The following STRIP2 variants were observed in gnomAD, a reference collection of about 807,000 sequenced individuals.
STRIP2 encodes the protein striatin interacting protein 2, also known as striatin-interacting protein 2.
A neutral mutation model predicts 107.1 loss-of-function variants in STRIP2; 84 were observed. The observed-to-expected ratio is 0.78, with a 90% CI of 0.66 to 0.94. The LOEUF is 0.94. STRIP2 is among the 40% of genes least tolerant of loss of function. The pLI is 0.00. For missense variants in STRIP2, 888 were observed against 1,034.2 expected, an observed-to-expected ratio of 0.86 and a Z score of 1.94; for synonymous variants, 394 against 400.4, an observed-to-expected ratio of 0.98 and a Z score of 0.19.
intron 1 of STRIP2, among the ~76,000 whole-genome samples, chr7:129,438,754 G>T (rs1463552301): frequency 6.6e-6 from 1 of 152,170 alleles, no homozygotes; most frequent in Non-Finnish European, 1.5e-5. Flanking sequence ...AAATTAAGCG[G>T]TTATCATGAT....
chr7:129,466,737 T>C (rs1037504149), intron 16 of STRIP2, among the ~76,000 whole-genome samples: 1 of 152,214 alleles, frequency 6.6e-6, no homozygotes, highest in African/African-American at 2.4e-5. Context: ...CAGTGCAGTA[T>C]CTGTTGGCTG....
chr7:129,440,168 G>A, intron 2 of STRIP2, 77 bp downstream of exon 2: 2 of 1,290,632 alleles, frequency 1.5e-6, no homozygotes, highest in Non-Finnish European at 2.3e-6. Context: ...CTCCCTGGAA[G>A]CTTGTCTGTT....
intron 18 of STRIP2, among the ~76,000 whole-genome samples, chr7:129,472,297 C>A (rs1798806237): frequency 6.6e-6 from 1 of 152,040 alleles, no homozygotes; most frequent in Admixed American, 6.6e-5. Context: ...CAGTTCCAAC[C>A]CCATTGGTTC....
intron 18 of STRIP2, among the ~76,000 whole-genome samples, chr7:129,476,421 G>A (rs1421005301): frequency 7.1e-6 from 1 of 141,340 alleles, no homozygotes; most frequent in Non-Finnish European, 1.6e-5. Flanking sequence ...CTTCTCAGAC[G>A]GGGCGGCTGC....
chr7:129,451,624 G>T lies in STRIP2; in HGVS notation c.286G>T (p.Glu96Ter). ...EDFKTQVQGK[E>*]WLELEEDAQK... is the part of the protein sequence containing the mutation. Reference sequence around the variant, plus strand: ...CCTTTTATTCCCAGTGCAGGGCAAGGAATGGCTGGAGTTGGAAGAAGATGC... The same window carrying T: ...CCTTTTATTCCCAGTGCAGGGCAAGTAATGGCTGGAGTTGGAAGAAGATGC... Residue 96 changes from glutamate (E) to a stop codon, truncating the protein, a stop_gained, in exon 4 of 21, where the codon GAA becomes TAA. Coordinates refer to ENST00000249344, the MANE Select transcript of STRIP2 (RefSeq NM_020704.3). LOFTEE classifies it high-confidence loss of function. 1 of 1,614,180 alleles carries T rather than the reference G, an allele frequency of 6.2e-7. No individual in the cohort carries two copies. Among genetic ancestry groups the T allele is most frequent in the Non-Finnish European group, 8.5e-7 (1 of 1,180,034 alleles).
chr7:129,445,821 G>A (rs972098510), intron 3 of STRIP2, among the ~76,000 whole-genome samples: 9 of 151,840 alleles, frequency 5.9e-5, no homozygotes, highest in Non-Finnish European at 3.0e-5. Flanking sequence ...ATACCATGAC[G>A]GTGGATGAGG....
chr7:129,473,481 A>C (rs1798841596), intron 18 of STRIP2, among the ~76,000 whole-genome samples: 1 of 151,604 alleles, frequency 6.6e-6, no homozygotes, highest in East Asian at 2.0e-4. Flanking sequence ...TGATCCTCCC[A>C]CCTTCCCAAG....
At chr7:129,484,874 T>C (rs1198599219) in intron 20 of STRIP2, among the ~76,000 whole-genome samples, 1 of 152,232 alleles carries the variant, frequency 6.6e-6, no homozygotes, top group Non-Finnish European at 1.5e-5. Flanking sequence ...CCCTTGCATG[T>C]AGAACATGAG....
intron 3 of STRIP2, 32 bp from the exon 4 acceptor site, chr7:129,451,581 G>A (rs1204513842): frequency 6.2e-7 from 1 of 1,612,202 alleles, no homozygotes; most frequent in Admixed American, 1.7e-5. Context: ...GGCAATAGCT[G>A]ACACTGGATG....
At chr7:129,441,817 T>G (rs2150987367) in intron 2 of STRIP2, among the ~76,000 whole-genome samples, 1 of 152,212 alleles carries the variant, frequency 6.6e-6, no homozygotes, top group African/African-American at 2.4e-5. Flanking sequence ...AGTCTCACCA[T>G]GTTGCCAAGG....
chr7:129,447,880 A>G (rs1192021151), intron 3 of STRIP2, among the ~76,000 whole-genome samples: 2 of 152,228 alleles, frequency 1.3e-5, no homozygotes, highest in Non-Finnish European at 2.9e-5. Flanking sequence ...TGCACAGGTC[A>G]AATGCGAGAG....
chr7:129,437,719 C>T (rs1797780992), intron 1 of STRIP2, among the ~76,000 whole-genome samples: 2 of 152,144 alleles, frequency 1.3e-5, no homozygotes, highest in South Asian at 4.2e-4. Context: ...CCACTCTCCA[C>T]CTTTTTCTTT....
chr7:129,477,895 T>A (rs566103960), intron 18 of STRIP2: 1 of 510,610 alleles, frequency 2.0e-6, no homozygotes, highest in African/African-American at 2.0e-5. Flanking sequence ...CTCACCCTCC[T>A]GAGTTGAAAA....
intron 4 of STRIP2, 70 bp downstream of exon 4, chr7:129,451,817 A>T: frequency 6.3e-7 from 1 of 1,581,526 alleles, no homozygotes; most frequent in Non-Finnish European, 8.6e-7. Flanking sequence ...ATCAGGACTG[A>T]GATGACGCAG....
intron 18 of STRIP2, among the ~76,000 whole-genome samples, chr7:129,478,851 ATTC>A (rs1440545484): frequency 1.3e-5 from 2 of 152,166 alleles, no homozygotes; most frequent in Admixed American, 1.3e-4. Context: ...CTCCCATATT[ATTC>A]TTTGAGATAC....
At chr7:129,434,723 G>A (rs1797684574) in intron 1 of STRIP2, 122 bp downstream of exon 1, 1 of 1,191,798 alleles carries the variant, frequency 8.4e-7, no homozygotes, top group Non-Finnish European at 1.1e-6. Context: ...CGCGCAGTGG[G>A]CGCCTGCGGG....
At chr7:129,477,252 C>G (rs1470140789) in intron 18 of STRIP2, among the ~76,000 whole-genome samples, 4 of 120,846 alleles carry the variant, frequency 3.3e-5, no homozygotes, top group Non-Finnish European at 5.2e-5. Flanking sequence ...CTATTGATAT[C>G]TTTTTTACTT....
chr7:129,449,478 G>A (rs528526556), intron 3 of STRIP2, among the ~76,000 whole-genome samples: 1 of 152,312 alleles, frequency 6.6e-6, no homozygotes, highest in East Asian at 1.9e-4. Context: ...GCTTCAGGCA[G>A]TGCAGGGTTT....
At chr7:129,485,226 T>C (rs1799214023) in intron 20 of STRIP2, among the ~76,000 whole-genome samples, 1 of 152,016 alleles carries the variant, frequency 6.6e-6, no homozygotes, top group African/African-American at 2.4e-5. Flanking sequence ...TAACTAGTAA[T>C]ACATAAAGCT....
Sources: gnomAD v4.1 joint callset for allele counts (sites outside exome capture counted in the v4.1 genomes callset) on GRCh38, gnomAD v4.1.1 for gene constraint, MANE v1.5 for transcripts, NCBI Gene and HGNC (gene_info 2026-07-23, HGNC 2026-07-21) for gene names.